ITGA1: variants seen among roughly 807,000 people sequenced by gnomAD.
The protein encoded by ITGA1 is integrin alpha-1.
Under a neutral mutation model 145.9 loss-of-function variants are expected in ITGA1, and 85 were observed. The ratio of observed to expected loss-of-function variants is 0.58; its 90% CI spans 0.49 to 0.70. The LOEUF (loss-of-function observed/expected upper bound fraction) is 0.70, where lower values mean the gene tolerates loss of function less well. Among genes scored for constraint, ITGA1 ranks in the 30% least tolerant of loss-of-function variants. The pLI is 0.00. For missense variants in ITGA1, 1,351 were observed against 1,418.7 expected, an observed-to-expected ratio of 0.95 and a Z score of 0.77; for synonymous variants, 520 against 495.3, an observed-to-expected ratio of 1.05 and a Z score of -0.66.
rs1003918678 is a variant in ITGA1, at chr5:52,861,448, G to A, written c.184G>A (p.Val62Met). ...TTTACTGATTTATTTAACTTCCAGG[G>A]TGCTTATTGGTTCTCCGTTAGTTGG... ...QQYENEEGKW[V>M]LIGSPLVGQP... The change falls in exon 3 of 29, where the codon GTG (valine) becomes ATG (methionine). Residue 62 changes from valine to methionine, a missense_variant and splice_region_variant. Transcript: ENST00000282588. The A allele has an allele frequency of 3.1e-6, 5 of 1,595,334 alleles. No individual in the cohort carries two copies. The highest frequency in any genetic ancestry group is 1.3e-5 in the African/African-American group (1 of 74,466).
chr5:52,798,339 G>T (rs1205312859), intron 1 of ITGA1, among the ~76,000 whole-genome samples: 1 of 152,196 alleles, frequency 6.6e-6, no homozygotes, highest in Non-Finnish European at 1.5e-5. Flanking sequence ...ATATTAATAA[G>T]TAGTGGTTCT....
chr5:52,899,740 G>GATATAAATT (rs1750285158), intron 11 of ITGA1, among the ~76,000 whole-genome samples: 1 of 152,196 alleles, frequency 6.6e-6, no homozygotes, highest in African/African-American at 2.4e-5. Flanking sequence ...TAGGTATTTG[G>GATATAAATT]AGGATTGTGA....
chr5:52,952,395 T>C lies in ITGA1; in HGVS notation c.3496-12T>C. 1 of 1,399,732 alleles carries C rather than the reference T, an allele frequency of 7.1e-7. No individual in the cohort carries two copies. The allele number at this position is 1,399,732 out of a possible 1,614,324, so 86.7% of individuals were successfully genotyped here. ...ATAGTTAATTGTGTTATGTTTTGTGTTTTCTCAACAGATTGGATTCTTCAA... is the reference window on the plus strand; with the variant it reads ...ATAGTTAATTGTGTTATGTTTTGTGCTTTCTCAACAGATTGGATTCTTCAA... On this transcript the variant is annotated splice_polypyrimidine_tract_variant and intron_variant, in intron 28 of 28. Coordinates refer to ENST00000282588, the MANE Select transcript of ITGA1 (RefSeq NM_181501.2).
Position 52,920,426 on chromosome 5 carries a change from A to C in ITGA1, c.2250A>C (p.Thr750=), listed in dbSNP as rs779992920. 2.5e-6 allele frequency: 4 copies of C among 1,610,094 alleles called. No individual in the cohort carries two copies. Among genetic ancestry groups the C allele is most frequent in the Non-Finnish European group, 2.5e-6 (3 of 1,178,416 alleles). ...TQERKVQRNI[T]VRKSECTKHS... is the part of the protein sequence containing the mutation. ...AGAGAAAGGTTCAAAGGAACATCAC[A>C]GTTCGAAAATCAGAATGCACTAAGC... Residue 750 remains threonine, a synonymous_variant, in exon 17 of 29, where the codon ACA becomes ACC. Transcript: ENST00000282588.
chr5:52,919,874 A>G (rs72756591), intron 16 of ITGA1, among the ~76,000 whole-genome samples: 21,965 of 152,134 alleles, frequency 0.14, 1,965 homozygotes, highest in South Asian at 0.28. Flanking sequence ...AGATAATGTC[A>G]TTTTATATAT....
intron 1 of ITGA1, among the ~76,000 whole-genome samples, chr5:52,817,046 A>T (rs1748787617): frequency 6.6e-6 from 1 of 152,244 alleles, no homozygotes; most frequent in South Asian, 2.1e-4. Context: ...AGATCAGTTT[A>T]AAACCATTCA....
intron 1 of ITGA1, among the ~76,000 whole-genome samples, chr5:52,837,432 T>C (rs2432144): frequency 0.81 from 123,762 of 152,128 alleles, 50,487 homozygotes; most frequent in South Asian, 0.87. Flanking sequence ...TGGAAGGAAA[T>C]GTCAGAAGTG....
chr5:52,845,252 G>T (rs1309160139), intron 1 of ITGA1, among the ~76,000 whole-genome samples: 1 of 152,140 alleles, frequency 6.6e-6, no homozygotes, highest in Non-Finnish European at 1.5e-5. Flanking sequence ...CTTCAGGGGG[G>T]TGAAATTGAC....
Position 52,933,951 on chromosome 5 carries a change from T to G in ITGA1, c.2919T>G (p.Ile973Met), listed in dbSNP as rs1224863777. The G allele has an allele frequency of 6.5e-7, 1 of 1,532,638 alleles. No homozygotes were observed. The highest frequency in any genetic ancestry group is 8.8e-7 in the Non-Finnish European group (1 of 1,133,388). The allele number at this position is 1,532,638 out of a possible 1,614,324, so 94.9% of individuals were successfully genotyped here. ...IAANETVPEV[I>M]NSTEDIGNEI... ...CCAATGAGACAGTCCCTGAAGTTAT[T>G]AATTCTACTGAGGACATTGGAAATG... The change falls in exon 23 of 29, where the codon ATT becomes ATG. Residue 973 changes from isoleucine to methionine, a missense_variant. By Grantham distance (10) the Ile-to-Met change is conservative. Coordinates refer to ENST00000282588, the MANE Select transcript of ITGA1 (RefSeq NM_181501.2).
intron 6 of ITGA1, among the ~76,000 whole-genome samples, chr5:52,868,880 A>G (rs769256308): frequency 7.9e-5 from 12 of 152,204 alleles, no homozygotes; most frequent in Non-Finnish European, 1.6e-4. Flanking sequence ...GTGGAGCTTA[A>G]CCATATACAT....
intron 1 of ITGA1, among the ~76,000 whole-genome samples, chr5:52,814,539 C>A (rs1166181391): frequency 6.6e-6 from 1 of 152,136 alleles, no homozygotes; most frequent in Non-Finnish European, 1.5e-5. Flanking sequence ...GAAAAAAGCA[C>A]AATCCTATAA....
intron 1 of ITGA1, among the ~76,000 whole-genome samples, chr5:52,792,779 G>A (rs1442477164): frequency 6.6e-6 from 1 of 152,116 alleles, no homozygotes; most frequent in African/African-American, 2.4e-5. Flanking sequence ...ACAAAATAGT[G>A]TACTCAAATT....
chr5:52,943,179 G>T (rs62357159), intron 26 of ITGA1, among the ~76,000 whole-genome samples: 5,089 of 152,200 alleles, frequency 0.033, 106 homozygotes, highest in Middle Eastern at 0.045. Flanking sequence ...TCCAGCTTTT[G>T]CCCATTCAGT....
At chr5:52,820,807 G>GT (rs900787615) in intron 1 of ITGA1, among the ~76,000 whole-genome samples, 14 of 151,276 alleles carry the variant, frequency 9.3e-5, no homozygotes, top group African/African-American at 1.5e-4. Flanking sequence ...TATTATCTCA[G>GT]TTTTTTTTTA....
chr5:52,921,512 T>A (rs1358659598), intron 17 of ITGA1, among the ~76,000 whole-genome samples: 1 of 152,056 alleles, frequency 6.6e-6, no homozygotes, highest in Non-Finnish European at 1.5e-5. Context: ...GAGTTGCCCC[T>A]CCTATTTAGT....
At chr5:52,819,967 A>G (rs1458585679) in intron 1 of ITGA1, among the ~76,000 whole-genome samples, 1 of 151,994 alleles carries the variant, frequency 6.6e-6, no homozygotes, top group African/African-American at 2.4e-5. Flanking sequence ...GATATGTGGC[A>G]TTATTTCTGA....
At chr5:52,844,203 C>T (rs773723655) in intron 1 of ITGA1, among the ~76,000 whole-genome samples, 8 of 151,954 alleles carry the variant, frequency 5.3e-5, no homozygotes, top group Non-Finnish European at 8.8e-5. Context: ...TCTACTTGGA[C>T]CTATAAGTTC....
chr5:52,934,706 A>C (rs911608904), intron 23 of ITGA1, among the ~76,000 whole-genome samples: 9 of 151,988 alleles, frequency 5.9e-5, no homozygotes, highest in Admixed American at 2.6e-4. Context: ...AGCACAATTC[A>C]AATAATGGAT....
chr5:52,864,914 G>C, intron 4 of ITGA1, 57 bp from the exon 5 acceptor site: 1 of 1,555,112 alleles, frequency 6.4e-7, no homozygotes, highest in Non-Finnish European at 8.8e-7. Context: ...GTCTTTGTAA[G>C]ATCTGTTATA....
Sources: allele counts gnomAD v4.1 joint callset (sites outside exome capture counted in the v4.1 genomes callset), GRCh38; gene constraint gnomAD v4.1.1; transcripts MANE v1.5; gene names NCBI Gene and HGNC (gene_info 2026-07-23, HGNC 2026-07-21).